The following TM9SF2 variants were observed in gnomAD, a reference collection of about 807,000 sequenced individuals.
TM9SF2 encodes the protein transmembrane 9 superfamily member 2, also known as 76 kDa membrane protein.
In TM9SF2, 13 loss-of-function variants were observed where a neutral mutation model predicts 84.9. The ratio of observed to expected loss-of-function variants is 0.15; its 90% CI spans 0.10 to 0.24. The LOEUF is 0.24. Ranked by LOEUF, TM9SF2 falls within the 10% of genes least tolerant of loss-of-function variation. The pLI is 1.00. For missense variants in TM9SF2, 562 were observed against 818.5 expected (o/e 0.69, Z 3.82); for synonymous variants, 273 against 285.8 (o/e 0.96, Z 0.45).
intron 11 of TM9SF2, among the ~76,000 whole-genome samples, chr13:99,548,520 C>T (rs982346704): frequency 7.9e-5 from 12 of 152,040 alleles, no homozygotes; most frequent in African/African-American, 1.2e-4. Context: ...TGGGAGCAGA[C>T]GTGTACTTTC....
At chr13:99,544,860 T>A (rs2046276392) in intron 10 of TM9SF2, among the ~76,000 whole-genome samples, 2 of 152,222 alleles carry the variant, frequency 1.3e-5, no homozygotes, top group African/African-American at 2.4e-5. Context: ...TTTAAATTTT[T>A]GCCAACTAGG....
At position 99,554,352 on chromosome 13, in the gene TM9SF2, G is replaced by A. The variant is rs1257097685; in HGVS notation, c.1537G>A (p.Glu513Lys). ...RTNQIPRQIP[E>K]QSFYTKPLPG... Reference sequence around the variant, plus strand: ...CAATCAGATTCCACGTCAGATTCCTGAACAGTCGTTCTACACGAAGCCCTT... The same window carrying A: ...CAATCAGATTCCACGTCAGATTCCTAAACAGTCGTTCTACACGAAGCCCTT... The change falls in exon 14 of 17, where the codon GAA becomes AAA. Residue 513 changes from glutamate (E) to lysine (K), a missense_variant. Glu to Lys is a moderately conservative substitution (Grantham distance 56). Coordinates refer to ENST00000376387, the MANE Select transcript of TM9SF2 (RefSeq NM_004800.3). 1 of 1,613,934 alleles carries A rather than the reference G, an allele frequency of 6.2e-7. No individual in the cohort carries two copies. Among genetic ancestry groups the A allele is most frequent in the Non-Finnish European group, 8.5e-7 (1 of 1,179,984 alleles).
Position 99,552,275 on chromosome 13 carries a change from C to T in TM9SF2, c.1437C>T (p.Cys479=). The T allele has an allele frequency of 6.2e-7, 1 of 1,614,092 alleles. No individual in the cohort carries two copies. Among genetic ancestry groups the T allele is most frequent in the Non-Finnish European group, 8.5e-7 (1 of 1,179,998 alleles). The change falls in exon 13 of 17, where the codon TGC becomes TGT. Residue 479 remains cysteine, a synonymous_variant. Coordinates refer to ENST00000376387, the MANE Select transcript of TM9SF2 (RefSeq NM_004800.3). The stretch of plus-strand genomic sequence containing the variant: ...TTGCCATATTGGCCCTTTGGTTCTG[C>T]ATATCTGTGCCTCTGACGTTTATTG... ...TLVAILALWF[C]ISVPLTFIGA... is the part of the protein sequence containing the mutation.
intron 15 of TM9SF2, among the ~76,000 whole-genome samples, chr13:99,558,639 T>G (rs1240270482): frequency 6.6e-6 from 1 of 152,222 alleles, no homozygotes; most frequent in Non-Finnish European, 1.5e-5. Context: ...TGCTCATTGC[T>G]GGTGTGTAAA....
chr13:99,542,149 C>CAA (rs111678997), intron 9 of TM9SF2, among the ~76,000 whole-genome samples: 1,356 of 113,214 alleles, frequency 0.012, 23 homozygotes, highest in African/African-American at 0.04. Context: ...GACTCTGTCT[C>CAA]AAAAAAAAAA....
At chr13:99,540,841 C>T (rs1296077701) in intron 8 of TM9SF2, 48 bp downstream of exon 8, 1 of 1,500,818 alleles carries the variant, frequency 6.7e-7, no homozygotes, top group Non-Finnish European at 9.3e-7. Flanking sequence ...TTTCTACCCT[C>T]TGTCCCTTTG....
chr13:99,556,818 C>G (rs544216897), intron 15 of TM9SF2, among the ~76,000 whole-genome samples: 4 of 152,104 alleles, frequency 2.6e-5, no homozygotes, highest in Non-Finnish European at 5.9e-5. Flanking sequence ...GATCTCCTGA[C>G]CTCGTGATCC....
chr13:99,538,690 A>T (rs1018629183), intron 6 of TM9SF2, among the ~76,000 whole-genome samples: 2 of 152,010 alleles, frequency 1.3e-5, no homozygotes, highest in African/African-American at 2.4e-5. Flanking sequence ...AAGTGAGAGG[A>T]TCACTTGAGC....
chr13:99,562,861 G>GT lies in TM9SF2; in HGVS notation c.*104dup, dbSNP rs1298833568. On this transcript the variant is annotated 3_prime_UTR_variant, in exon 17 of 17. Coordinates refer to ENST00000376387, the MANE Select transcript of TM9SF2 (RefSeq NM_004800.3). ...GAGTTTTATCAGAATTATTGGCCTAGTAATCCTTCAGAAACACCGTAATTC... is the reference window on the plus strand; with the variant it reads ...GAGTTTTATCAGAATTATTGGCCTAGTTAATCCTTCAGAAACACCGTAATTC... 3.6e-6 allele frequency: 4 copies of GT among 1,118,546 alleles called. No homozygotes were observed. Among genetic ancestry groups the GT allele is most frequent in the Non-Finnish European group, 3.9e-6 (3 of 763,092 alleles). 69.3% of individuals were successfully genotyped at this position (1,118,546 alleles called of 1,614,324 possible). A position where few individuals can be genotyped will look rare whatever the true frequency, so the allele number is the denominator to read the frequency against.
intron 15 of TM9SF2, among the ~76,000 whole-genome samples, chr13:99,558,160 A>G (rs1209431700): frequency 6.6e-6 from 1 of 152,238 alleles, no homozygotes; most frequent in African/African-American, 2.4e-5. Flanking sequence ...CTGGACTCTC[A>G]ATACTATTCC....
intron 3 of TM9SF2, among the ~76,000 whole-genome samples, chr13:99,521,629 A>G (rs986593330): frequency 7.9e-5 from 12 of 152,258 alleles, no homozygotes; most frequent in African/African-American, 2.9e-4. Context: ...GGGAAAAGAA[A>G]CATCACTGTG....
chr13:99,548,866 T>C (rs907989269), intron 11 of TM9SF2, among the ~76,000 whole-genome samples: 2 of 152,170 alleles, frequency 1.3e-5, no homozygotes, highest in African/African-American at 4.8e-5. Context: ...CCTAGGCCCA[T>C]TGATTGATAC....
At chr13:99,558,027 A>G (rs1417986677) in intron 15 of TM9SF2, among the ~76,000 whole-genome samples, 3 of 152,230 alleles carry the variant, frequency 2.0e-5, no homozygotes, top group Non-Finnish European at 2.9e-5. Context: ...GTCCAGCTAC[A>G]TTATTTGACG....
chr13:99,554,009 T>C (rs538503013), intron 13 of TM9SF2, among the ~76,000 whole-genome samples: 1 of 152,354 alleles, frequency 6.6e-6, no homozygotes, highest in East Asian at 1.9e-4. Context: ...TAACTATTAT[T>C]TTCCAAGTAT....
chr13:99,518,513 A>G (rs1209166723), intron 2 of TM9SF2, among the ~76,000 whole-genome samples: 7 of 152,214 alleles, frequency 4.6e-5, no homozygotes, highest in Non-Finnish European at 1.0e-4. Flanking sequence ...AGTAGCTGTT[A>G]TTATTTCCAT....
At chr13:99,556,287 T>C (rs563530249) in intron 15 of TM9SF2, among the ~76,000 whole-genome samples, 1 of 152,348 alleles carries the variant, frequency 6.6e-6, no homozygotes, top group South Asian at 2.1e-4. Context: ...GTGGACAGTT[T>C]AATGGCACTT....
intron 1 of TM9SF2, among the ~76,000 whole-genome samples, chr13:99,508,344 GACTTA>G (rs1378961732): frequency 6.7e-6 from 1 of 149,816 alleles, no homozygotes; most frequent in Non-Finnish European, 1.5e-5. Flanking sequence ...GGAGGAGATG[GACTTA>G]ACTCTTTTGG....
intron 12 of TM9SF2, 101 bp from the exon 13 acceptor site, chr13:99,552,066 G>GTA (rs920322512): frequency 5.7e-5 from 65 of 1,139,508 alleles, no homozygotes; most frequent in Non-Finnish European, 7.0e-5. Flanking sequence ...CACTTTCTTT[G>GTA]TATATATATA....
chr13:99,520,821 C>T (rs1405932670), intron 3 of TM9SF2, among the ~76,000 whole-genome samples: 3 of 152,190 alleles, frequency 2.0e-5, no homozygotes, highest in African/African-American at 4.8e-5. Flanking sequence ...TTGCCCGCCT[C>T]GGCCTCCCAA....
Sources: allele counts gnomAD v4.1 joint callset (sites outside exome capture counted in the v4.1 genomes callset), GRCh38; gene constraint gnomAD v4.1.1; transcripts MANE v1.5; gene names NCBI Gene and HGNC (gene_info 2026-07-23, HGNC 2026-07-21).